DIP2C: variants seen among roughly 807,000 people sequenced by gnomAD.
The protein encoded by DIP2C is disco-interacting protein 2 homolog C.
In DIP2C, 33 loss-of-function variants were observed where a neutral mutation model predicts 192.4. The observed-to-expected ratio is 0.17, with a 90% CI of 0.13 to 0.23. DIP2C has a LOEUF of 0.23. Among genes scored for constraint, DIP2C ranks in the 10% least tolerant of loss-of-function variants. The pLI, the probability that DIP2C is intolerant of heterozygous loss-of-function variation, is 1.00. For missense variants in DIP2C, 1,537 were observed against 2,110.1 expected (o/e 0.73, Z 5.32); for synonymous variants, 979 against 864.1 (o/e 1.13, Z -2.33).
chr10:446,262 TGAA>T (rs1968200519), intron 3 of DIP2C, among the ~76,000 whole-genome samples: 1 of 152,078 alleles, frequency 6.6e-6, no homozygotes, highest in Admixed American at 6.5e-5. Context: ...ACACCTGTCA[TGAA>T]GAGTCTCACG....
intron 3 of DIP2C, among the ~76,000 whole-genome samples, chr10:458,524 C>T (rs1003514998): frequency 4.1e-5 from 6 of 144,790 alleles, no homozygotes; most frequent in African/African-American, 1.5e-4. Flanking sequence ...GCAAGGATGC[C>T]CTCTACATTC....
At chr10:384,453 G>T (rs1962693524) in intron 15 of DIP2C, 93 bp downstream of exon 15, 2 of 1,302,508 alleles carry the variant, frequency 1.5e-6, no homozygotes, top group Non-Finnish European at 2.2e-6. Flanking sequence ...GGCCCGGGTG[G>T]TCTGGAACTC....
At chr10:519,953 C>A (rs767946503) in intron 1 of DIP2C, among the ~76,000 whole-genome samples, 3 of 152,222 alleles carry the variant, frequency 2.0e-5, no homozygotes, top group African/African-American at 4.8e-5. Context: ...CCCAAAGAAC[C>A]CTTCTCCGTC....
chr10:304,275 A>T (rs972834558), intron 32 of DIP2C, among the ~76,000 whole-genome samples: 1 of 152,170 alleles, frequency 6.6e-6, no homozygotes, highest in African/African-American at 2.4e-5. Context: ...CAACATCAAT[A>T]AACTCCATTT....
chr10:324,815 A>G, intron 31 of DIP2C: 1 of 440,018 alleles, frequency 2.3e-6, no homozygotes, highest in East Asian at 6.9e-5. Flanking sequence ...GGACGGTGGC[A>G]CGCTTCAGAA....
chr10:373,555 G>A (rs1224059360), intron 17 of DIP2C, among the ~76,000 whole-genome samples: 3 of 152,114 alleles, frequency 2.0e-5, no homozygotes, highest in Non-Finnish European at 2.9e-5. Flanking sequence ...TGGGGTCCAC[G>A]GTCTAAAACC....
chr10:475,023 G>A (rs891508053), intron 2 of DIP2C, among the ~76,000 whole-genome samples: 1 of 152,078 alleles, frequency 6.6e-6, no homozygotes, highest in Non-Finnish European at 1.5e-5. Context: ...GGCTTCAACG[G>A]GGCTGTTTCG....
chr10:385,595 G>GC (rs1962825545), intron 14 of DIP2C, among the ~76,000 whole-genome samples: 1 of 152,194 alleles, frequency 6.6e-6, no homozygotes, highest in Admixed American at 6.5e-5. Context: ...GCCGGGCCTT[G>GC]CTGCGGCAGA....
intron 1 of DIP2C, among the ~76,000 whole-genome samples, chr10:675,561 TAAGTAAAA>T (rs1299356223): frequency 6.6e-6 from 1 of 151,600 alleles, no homozygotes; most frequent in Admixed American, 6.6e-5. Flanking sequence ...AAATCCCAAA[TAAGTAAAA>T]TTAGAAACAG....
intron 1 of DIP2C, among the ~76,000 whole-genome samples, chr10:558,139 C>A (rs1374373210): frequency 6.6e-6 from 1 of 152,180 alleles, no homozygotes; most frequent in Non-Finnish European, 1.5e-5. Flanking sequence ...AACGCATTGT[C>A]TTACCAGCCA....
chr10:679,136 CCTCCCTGCGCCCA>C, intron 1 of DIP2C, among the ~76,000 whole-genome samples: 1 of 20,978 alleles, frequency 4.8e-5, no homozygotes, highest in Non-Finnish European at 1.4e-4. Context: ...CCGCACCCAT[CCTCCCTGCGCCCA>C]TGCTCCCCGC....
At position 487,093 on chromosome 10, in the gene DIP2C, C is replaced by T. The variant is rs545452368; in HGVS notation, c.86-563G>A. Among the ~76,000 whole-genome samples the T allele has an allele frequency of 3.3e-5, 5 of 152,302 alleles. No individual in the cohort carries two copies. In the East Asian group the frequency reaches 9.6e-4, roughly 29 times the overall value. The stretch of plus-strand genomic sequence containing the variant: ...CAAGAGAAAGGTGCTTGTGGTGAGG[C>T]AAGAATCCACATGTTAAAGCTCACA... On this transcript the variant is annotated intron_variant, in intron 1 of 36. Transcript: ENST00000280886.
intron 16 of DIP2C, 25 bp from the exon 17 acceptor site, chr10:382,786 C>A (rs750960898): frequency 1.3e-6 from 2 of 1,523,798 alleles, no homozygotes; most frequent in South Asian, 1.2e-5. Flanking sequence ...GGACAATGAT[C>A]AGACAGCTGA....
At chr10:395,850 G>A (rs777839722) in intron 10 of DIP2C, among the ~76,000 whole-genome samples, 16 of 152,146 alleles carry the variant, frequency 1.1e-4, no homozygotes, top group African/African-American at 1.7e-4. Context: ...TCACTGACAC[G>A]TAAGTCCCCA....
At chr10:288,989 A>G (rs3097723) in intron 32 of DIP2C, among the ~76,000 whole-genome samples, 150,864 of 152,368 alleles carry the variant, frequency 0.99, 74,706 homozygotes, top group Middle Eastern at 1. Context: ...ACATCGCAGC[A>G]GGCCACAACC....
At chr10:376,224 G>A (rs992033637) in intron 17 of DIP2C, among the ~76,000 whole-genome samples, 3 of 152,136 alleles carry the variant, frequency 2.0e-5, no homozygotes, top group South Asian at 2.1e-4. Context: ...CGAGAGCAGC[G>A]AGATGGGGAC....
At chr10:457,545 G>C (rs1969400335) in intron 3 of DIP2C, among the ~76,000 whole-genome samples, 1 of 152,176 alleles carries the variant, frequency 6.6e-6, no homozygotes, top group East Asian at 1.9e-4. Flanking sequence ...GGCACAGATA[G>C]CAAGATTAAA....
At chr10:395,508 T>G (rs115759395) in intron 10 of DIP2C, among the ~76,000 whole-genome samples, 302 of 152,354 alleles carry the variant, frequency 2.0e-3, no homozygotes, top group African/African-American at 7.0e-3. Context: ...GGAGGGTCTC[T>G]GTACTTCACC....
chr10:634,857 C>G (rs1854741294), intron 1 of DIP2C, among the ~76,000 whole-genome samples: 1 of 152,214 alleles, frequency 6.6e-6, no homozygotes, highest in Non-Finnish European at 1.5e-5. Context: ...TTATCACACA[C>G]AACGTAAAGC....
Sources: allele counts gnomAD v4.1 joint callset (sites outside exome capture counted in the v4.1 genomes callset), GRCh38; gene constraint gnomAD v4.1.1; transcripts MANE v1.5; gene names NCBI Gene and HGNC (gene_info 2026-07-23, HGNC 2026-07-21).